The following PPP1CC variants were observed in gnomAD, a reference collection of about 807,000 sequenced individuals.
PPP1CC encodes the protein serine/threonine-protein phosphatase PP1-gamma catalytic subunit.
A neutral mutation model predicts 38.4 loss-of-function variants in PPP1CC; 16 were observed. The observed-to-expected ratio is 0.42, with a 90% CI of 0.28 to 0.63. The LOEUF (loss-of-function observed/expected upper bound fraction) is 0.63, where lower values mean the gene tolerates loss of function less well. Among genes scored for constraint, PPP1CC ranks in the 30% least tolerant of loss-of-function variants. The pLI, the probability that PPP1CC is intolerant of heterozygous loss-of-function variation, is 0.25. For synonymous variants in PPP1CC, 158 were observed against 136.0 expected (o/e 1.16, Z -1.13); for missense variants, 170 against 391.3 (o/e 0.43, Z 4.77).
At chr12:110,725,515 T>C (rs1175105018) in intron 3 of PPP1CC, 1 of 152,244 alleles carries the variant, frequency 6.6e-6, no homozygotes, top group Non-Finnish European at 1.5e-5. Context: ...AGACTCCACA[T>C]GCTCCCACAG....
Position 110,730,645 on chromosome 12 carries a change from A to T in PPP1CC, c.302T>A (p.Leu101Ter). ...GDYVDRGKQSLETICLLLAYK... is the reference protein window; with the variant it reads ...GDYVDRGKQS ...GGCCAGTAAGAGGCAGATCGTCTCC[A>T]ATGACTGCTTTCCCCTGTCCACATA... The change falls in exon 3 of 7, where the codon TTG becomes TAG. Residue 101 changes from leucine (L) to a stop codon, truncating the protein, a stop_gained. Coordinates refer to ENST00000335007, the MANE Select transcript of PPP1CC (RefSeq NM_002710.4). LOFTEE classifies it high-confidence loss of function. The T allele has an allele frequency of 6.2e-7, 1 of 1,614,170 alleles. No homozygotes were observed. Among genetic ancestry groups the T allele is most frequent in the Non-Finnish European group, 8.5e-7 (1 of 1,180,012 alleles).
chr12:110,717,318 GC>G (rs1402309415), downstream of PPP1CC, among the ~76,000 whole-genome samples: 2 of 152,186 alleles, frequency 1.3e-5, no homozygotes, highest in African/African-American at 4.8e-5. Context: ...AACCACCCCT[GC>G]AGATTCAAGC....
In PPP1CC at chr12:110,721,030, T is replaced by C; in HGVS notation, c.*46A>G. ...ATTACAGTCTTAAAAATGAAGGTTA[T>C]ATACTCTATGTTACAAGTCCCGACT... On this transcript the variant is annotated 3_prime_UTR_variant, in exon 7 of 7. Transcript: ENST00000335007. The C allele has an allele frequency of 6.5e-7, 1 of 1,537,204 alleles. No individual in the cohort carries two copies. The highest frequency in any genetic ancestry group is 9.0e-7 in the Non-Finnish European group (1 of 1,110,436).
Position 110,728,267 on chromosome 12 carries a change from C to T in PPP1CC, c.418+2262G>A, listed in dbSNP as rs375518543. Among the ~76,000 whole-genome samples, 441 of 151,800 alleles carry T rather than the reference C, an allele frequency of 2.9e-3. 1 individual carries two copies. Among genetic ancestry groups the T allele is most frequent in the African/African-American group, 9.9e-3 (409 of 41,474 alleles). On this transcript the variant is annotated intron_variant, in intron 3 of 6. Coordinates refer to ENST00000335007, the MANE Select transcript of PPP1CC (RefSeq NM_002710.4). ...ACAAAAAATTAGCCGGGCGTAGTGG[C>T]GGGCGCCTGTAGTCCCAGCTACTCG...
intron 6 of PPP1CC, 192 bp from the exon 7 acceptor site, chr12:110,721,357 TAAA>T (rs1021173113): frequency 2.0e-6 from 1 of 491,236 alleles, no homozygotes; most frequent in Admixed American, 3.4e-5. Context: ...GACGAACAGA[TAAA>T]ATCTATTATC....
intron 4 of PPP1CC, among the ~76,000 whole-genome samples, chr12:110,724,186 C>T (rs149038074): frequency 0.017 from 2,627 of 152,078 alleles, 82 homozygotes; most frequent in African/African-American, 0.059. Context: ...TGCAGTGAGC[C>T]GAGATGGTGC....
chr12:110,731,760 C>G lies in PPP1CC; in HGVS notation c.187+10G>C. ...TGTAACAAAAGATAACCTGTGTGCC[C>G]CAAACTTACCACATATTTTGAGTGG... On this transcript the variant is annotated intron_variant, in intron 2 of 6. Transcript: ENST00000335007. 6.2e-7 allele frequency: 1 copy of G among 1,602,256 alleles called. No individual in the cohort carries two copies. The highest frequency in any genetic ancestry group is 8.5e-7 in the Non-Finnish European group (1 of 1,170,260).
the PPP1CC span, among the ~76,000 whole-genome samples, chr12:110,711,835 G>C: frequency 6.6e-6 from 1 of 152,084 alleles, no homozygotes; most frequent in Non-Finnish European, 1.5e-5. Flanking sequence ...CGAGGCAGGA[G>C]AATTGCTTGA....
rs986329043 is a variant in PPP1CC at position 110,719,982 on chromosome 12, A to G, written c.*1094T>C. 1.6e-6 allele frequency: 1 copy of G among 635,104 alleles called. No individual in the cohort carries two copies. Among genetic ancestry groups the G allele is most frequent in the African/African-American group, 1.8e-5 (1 of 54,348 alleles). 39.3% of individuals were successfully genotyped at this position (635,104 alleles called of 1,614,324 possible). A position where few individuals can be genotyped will look rare whatever the true frequency, so the allele number is the denominator to read the frequency against. On this transcript the variant is annotated 3_prime_UTR_variant, in exon 7 of 7. Coordinates refer to ENST00000335007, the MANE Select transcript of PPP1CC (RefSeq NM_002710.4). ...TGTACACGGTCATCTGTTGAAACAG[A>G]TTTCTTTTTTAACAGATCTTAGTTT...
At chr12:110,724,284 G>A (rs143041160) in intron 4 of PPP1CC, among the ~76,000 whole-genome samples, 9 of 152,160 alleles carry the variant, frequency 5.9e-5, no homozygotes, top group East Asian at 5.8e-4. Context: ...TTTCTAAGCC[G>A]GGCACAGTGG....
intron 1 of PPP1CC, chr12:110,733,036 G>C (rs543375515): frequency 6.6e-6 from 1 of 152,242 alleles, no homozygotes; most frequent in African/African-American, 2.4e-5. Context: ...TAGTCTTCGA[G>C]GAAAGATATG....
chr12:110,740,736 A>G (rs2070008612), intron 1 of PPP1CC, among the ~76,000 whole-genome samples: 1 of 152,222 alleles, frequency 6.6e-6, no homozygotes, highest in Non-Finnish European at 1.5e-5. Flanking sequence ...ATTACTTACC[A>G]GGCAAAGTAC....
chr12:110,732,160 A>G (rs549984928), intron 1 of PPP1CC: 67 of 546,542 alleles, frequency 1.2e-4, no homozygotes, highest in African/African-American at 1.1e-3. Context: ...GAATGCTGTT[A>G]GAAACAGGAC....
At chr12:110,741,172 T>C (rs1056560776) in intron 1 of PPP1CC, among the ~76,000 whole-genome samples, 1 of 151,104 alleles carries the variant, frequency 6.6e-6, no homozygotes, top group Non-Finnish European at 1.5e-5. Context: ...GGGTCCTTAA[T>C]GACATTTAGT....
the PPP1CC span, among the ~76,000 whole-genome samples, chr12:110,712,135 C>T: frequency 5.3e-5 from 8 of 151,914 alleles, no homozygotes; most frequent in African/African-American, 1.7e-4. Context: ...GTCCAGTGCA[C>T]GTTTGTAGCC....
chr12:110,721,295 A>G lies in PPP1CC; in HGVS notation c.883-130T>C. 3 of 664,950 alleles carry G rather than the reference A, an allele frequency of 4.5e-6. No individual in the cohort carries two copies. In the South Asian group the frequency reaches 5.6e-5, roughly 12 times the overall value. The allele number at this position is 664,950 out of a possible 1,614,324, so 41.2% of individuals were successfully genotyped here. On this transcript the variant is annotated intron_variant, in intron 6 of 6. Coordinates refer to ENST00000335007, the MANE Select transcript of PPP1CC (RefSeq NM_002710.4). The stretch of plus-strand genomic sequence containing the variant: ...CCCCAACAACTGTAAAAGCCCCCCT[A>G]GCATATTAACACAAGCTATGTTGAA...
chr12:110,735,415 G>A (rs866178589), intron 1 of PPP1CC, among the ~76,000 whole-genome samples: 2 of 152,180 alleles, frequency 1.3e-5, no homozygotes, highest in African/African-American at 2.4e-5. Context: ...TTAAGGACAC[G>A]AGGCCGCGAT....
intron 3 of PPP1CC, among the ~76,000 whole-genome samples, chr12:110,727,546 G>A (rs1403444595): frequency 5.4e-5 from 8 of 149,292 alleles, no homozygotes; most frequent in African/African-American, 1.7e-4. Context: ...AGCAGAAACA[G>A]ATCAACAAAC....
rs1433582616 is a variant in PPP1CC, at chr12:110,720,740, T to C, written c.*336A>G. 1 of 209,092 alleles carries C rather than the reference T, an allele frequency of 4.8e-6. No homozygotes were observed. Among genetic ancestry groups the C allele is most frequent in the Non-Finnish European group, 9.6e-6 (1 of 103,724 alleles). 13.0% of individuals were successfully genotyped at this position (209,092 alleles called of 1,614,324 possible). A position where few individuals can be genotyped will look rare whatever the true frequency, so the allele number is the denominator to read the frequency against. On this transcript the variant is annotated 3_prime_UTR_variant, in exon 7 of 7. Transcript: ENST00000335007. ...GTCCTAAAGAAAATGAGCATTTACA[T>C]GATTATGGGTTGTACTGAATTAAAA...
Sources: allele counts gnomAD v4.1 joint callset (sites outside exome capture counted in the v4.1 genomes callset), GRCh38; gene constraint gnomAD v4.1.1; transcripts MANE v1.5; gene names NCBI Gene and HGNC (gene_info 2026-07-23, HGNC 2026-07-21).